Variants in SAMD3 observed in about 807,000 individuals in gnomAD.
The protein encoded by SAMD3 is sterile alpha motif domain-containing protein 3.
A neutral mutation model predicts 58.5 loss-of-function variants in SAMD3; 63 were observed. The ratio of observed to expected loss-of-function variants is 1.08; its 90% CI spans 0.88 to 1.33. SAMD3 has a LOEUF of 1.33. Among genes scored for constraint, SAMD3 ranks in the 40% most tolerant of loss-of-function variants. The pLI, the probability that SAMD3 is intolerant of heterozygous loss-of-function variation, is 0.00. For missense variants in SAMD3, 604 were observed against 608.4 expected (o/e 0.99, Z 0.08); for synonymous variants, 220 against 210.3 (o/e 1.05, Z -0.40).
chr6:130,193,215 C>T (rs879893526), intron 5 of SAMD3, among the ~76,000 whole-genome samples: 9 of 149,430 alleles, frequency 6.0e-5, no homozygotes, highest in Non-Finnish European at 1.2e-4. Context: ...CCCTTCTCTC[C>T]ATGTCTCTAC....
At chr6:130,308,375 A>ATTCT (rs1775993994) in intron 2 of SAMD3, among the ~76,000 whole-genome samples, 2 of 122,254 alleles carry the variant, frequency 1.6e-5, no homozygotes, top group African/African-American at 6.3e-5. Context: ...ATTCTATTCT[A>ATTCT]TTCTATTCTA....
At chr6:130,346,402 A>C (rs1324688652) in intron 1 of SAMD3, among the ~76,000 whole-genome samples, 2 of 152,230 alleles carry the variant, frequency 1.3e-5, no homozygotes, top group Non-Finnish European at 2.9e-5. Flanking sequence ...TGGTCTTAGC[A>C]AACGGCACAC....
At chr6:130,213,887 G>A (rs1287177524) in intron 4 of SAMD3, among the ~76,000 whole-genome samples, 2 of 152,060 alleles carry the variant, frequency 1.3e-5, no homozygotes, top group Non-Finnish European at 2.9e-5. Flanking sequence ...CATCGTAAAG[G>A]CATCTAGAGA....
At chr6:130,329,261 CAAA>C (rs10708421) in intron 1 of SAMD3, among the ~76,000 whole-genome samples, 3,126 of 118,268 alleles carry the variant, frequency 0.026, 115 homozygotes, top group African/African-American at 0.077. Flanking sequence ...CAATGAATCT[CAAA>C]AAAAAAAAAA....
At chr6:130,280,176 A>G (rs1774931954) in intron 2 of SAMD3, among the ~76,000 whole-genome samples, 1 of 152,104 alleles carries the variant, frequency 6.6e-6, no homozygotes, top group African/African-American at 2.4e-5. Context: ...TTGGCTCATC[A>G]TAATCTTTGT....
At chr6:130,304,222 T>C (rs569017469) in intron 2 of SAMD3, among the ~76,000 whole-genome samples, 1 of 152,324 alleles carries the variant, frequency 6.6e-6, no homozygotes, top group Non-Finnish European at 1.5e-5. Flanking sequence ...CAGGCTGAAG[T>C]GCAGTGATGT....
At chr6:130,332,677 C>T (rs189663452) in intron 1 of SAMD3, among the ~76,000 whole-genome samples, 3 of 152,146 alleles carry the variant, frequency 2.0e-5, no homozygotes, top group Admixed American at 2.0e-4. Context: ...GCTAAGTAGG[C>T]TAAGGAGAAA....
rs1193360262 is a variant in SAMD3, at chr6:130,203,175, G to A, written c.383+6320C>T. Among the ~76,000 whole-genome samples, 5 of 152,268 alleles carry A rather than the reference G, an allele frequency of 3.3e-5. No homozygotes were observed. In the East Asian group the frequency reaches 5.8e-4, roughly 18 times the overall value. The stretch of plus-strand genomic sequence containing the variant: ...CGCTTTGGGACCACTTGTTAGAATC[G>A]AGAGCAGAATTTTTTCAAATCTCCT... On this transcript the variant is annotated intron_variant, in intron 5 of 11. Coordinates refer to ENST00000439090, the MANE Select transcript of SAMD3 (RefSeq NM_001017373.4).
At chr6:130,305,874 T>A (rs1299415116) in intron 2 of SAMD3, among the ~76,000 whole-genome samples, 1 of 152,234 alleles carries the variant, frequency 6.6e-6, no homozygotes, top group East Asian at 1.9e-4. Flanking sequence ...ATAAACTGCA[T>A]AACTTACAAA....
At chr6:130,245,370 C>T (rs190983429) in intron 2 of SAMD3, among the ~76,000 whole-genome samples, 98 of 152,282 alleles carry the variant, frequency 6.4e-4, no homozygotes, top group African/African-American at 2.3e-3. Context: ...TCATAGTTTT[C>T]AAAACTCCCA....
intron 1 of SAMD3, among the ~76,000 whole-genome samples, chr6:130,332,479 A>T (rs1331408820): frequency 6.6e-6 from 1 of 152,170 alleles, no homozygotes; most frequent in Non-Finnish European, 1.5e-5. Flanking sequence ...CAGAAGTGGG[A>T]CTGAAGAAGG....
intron 2 of SAMD3, among the ~76,000 whole-genome samples, chr6:130,306,553 C>T (rs62433913): frequency 0.15 from 22,245 of 151,732 alleles, 2,033 homozygotes; most frequent in East Asian, 0.36. Context: ...CTGGTTGAAC[C>T]GACAGAAATT....
rs187221421 is a variant in SAMD3 at position 130,158,196 on chromosome 6, T to A, written c.823-3171A>T. 1.9e-3 allele frequency among the ~76,000 whole-genome samples: 293 copies of A among 152,324 alleles called. 2 individuals are homozygous for A. Among genetic ancestry groups the A allele is most frequent in the African/African-American group, 6.9e-3 (288 of 41,586 alleles). ...ACCTATCAAAAACCACAATTTTTTTTATCAGAACTTGACTAGCTGATTCTA... is the reference window on the plus strand; with the variant it reads ...ACCTATCAAAAACCACAATTTTTTTAATCAGAACTTGACTAGCTGATTCTA... On this transcript the variant is annotated intron_variant, in intron 8 of 11. Coordinates refer to ENST00000439090, the MANE Select transcript of SAMD3 (RefSeq NM_001017373.4).
At chr6:130,300,775 C>A (rs1775719619) in intron 2 of SAMD3, among the ~76,000 whole-genome samples, 1 of 152,084 alleles carries the variant, frequency 6.6e-6, no homozygotes. Flanking sequence ...ATGAATTCAG[C>A]AAAACTTCAG....
intron 2 of SAMD3, among the ~76,000 whole-genome samples, chr6:130,308,441 T>TG (rs1776023834): frequency 6.7e-6 from 1 of 150,156 alleles, no homozygotes; most frequent in Non-Finnish European, 1.5e-5. Flanking sequence ...TTCTATTCTT[T>TG]TGTGTGTGTG....
rs536932084 is a variant in SAMD3, at chr6:130,171,695, G to A, written c.822+4146C>T. Among the ~76,000 whole-genome samples, 221 of 152,312 alleles carry A rather than the reference G, an allele frequency of 1.5e-3. 1 individual carries two copies. The highest frequency in any genetic ancestry group is 2.5e-3 in the Non-Finnish European group (171 of 68,028). ...AGAATCTATGTTCTGTTGATTTGAG[G>A]TGGAGAGTTCTGCAGATATCTATTA... On this transcript the variant is annotated intron_variant, in intron 8 of 11. Coordinates refer to ENST00000439090, the MANE Select transcript of SAMD3 (RefSeq NM_001017373.4).
At chr6:130,202,324 C>T (rs1794717175) in intron 5 of SAMD3, among the ~76,000 whole-genome samples, 1 of 152,156 alleles carries the variant, frequency 6.6e-6, no homozygotes, top group Non-Finnish European at 1.5e-5. Flanking sequence ...ACTCTGTATC[C>T]CCGCTCCTGC....
intron 2 of SAMD3, among the ~76,000 whole-genome samples, chr6:130,287,500 G>A (rs1236498821): frequency 6.6e-6 from 1 of 152,142 alleles, no homozygotes; most frequent in Non-Finnish European, 1.5e-5. Flanking sequence ...TTAATTTGAG[G>A]AAGATTTGAA....
At chr6:130,329,284 G>A (rs529378434) in intron 1 of SAMD3, among the ~76,000 whole-genome samples, 1 of 147,186 alleles carries the variant, frequency 6.8e-6, no homozygotes, top group Non-Finnish European at 1.5e-5. Context: ...AAAAAGCCTG[G>A]TAAAGTTTAG....
Sources: gnomAD v4.1 joint callset for allele counts (sites outside exome capture counted in the v4.1 genomes callset) on GRCh38, gnomAD v4.1.1 for gene constraint, MANE v1.5 for transcripts, NCBI Gene and HGNC (gene_info 2026-07-23, HGNC 2026-07-21) for gene names.